The following FSHR variants were observed in gnomAD, a reference collection of about 807,000 sequenced individuals.
FSHR encodes the protein follicle-stimulating hormone receptor.
A neutral mutation model predicts 52.1 loss-of-function variants in FSHR; 46 were observed. The ratio of observed to expected loss-of-function variants is 0.88; its 90% CI spans 0.70 to 1.13. The LOEUF is 1.13. Ranked by LOEUF, FSHR falls within the 50% of genes most tolerant of loss-of-function variation. FSHR has a pLI of 0.00. For synonymous variants in FSHR, 399 were observed against 309.6 expected, an observed-to-expected ratio of 1.29 and a Z score of -3.03; for missense variants, 964 against 834.6, an observed-to-expected ratio of 1.16 and a Z score of -1.91.
intron 4 of FSHR, among the ~76,000 whole-genome samples, chr2:49,012,795 C>T (rs1452890030): frequency 6.6e-6 from 1 of 152,096 alleles, no homozygotes; most frequent in Non-Finnish European, 1.5e-5. Flanking sequence ...GAAATCGTTG[C>T]CATCTACCTC....
chr2:48,965,173 G>A (rs1475552569), intron 9 of FSHR, among the ~76,000 whole-genome samples: 1 of 152,100 alleles, frequency 6.6e-6, no homozygotes, highest in Non-Finnish European at 1.5e-5. Flanking sequence ...GGGGAGTGGA[G>A]GAGGTAAAGA....
At chr2:49,102,146 C>A (rs973509514) in intron 1 of FSHR, among the ~76,000 whole-genome samples, 11 of 152,184 alleles carry the variant, frequency 7.2e-5, no homozygotes, top group African/African-American at 2.2e-4. Context: ...CACATATAGT[C>A]CAGGATTATA....
Position 48,990,593 on chromosome 2 carries a change from T to A in FSHR, c.419A>T (p.Lys140Met). Residue 140 changes from lysine to methionine, a missense_variant, in exon 5 of 10, where the codon AAG becomes ATG. Lys to Met is a moderately conservative substitution (Grantham distance 95). Coordinates refer to ENST00000406846, the MANE Select transcript of FSHR (RefSeq NM_000145.4). ...TAAAACTTTTTGGAGAGAATGAATC[T>A]TGTGAACATCTGGAAGGTGCTTAAT... ...TGIKHLPDVH[K>M]IHSLQKVLLD... The A allele has an allele frequency of 6.2e-7, 1 of 1,611,896 alleles. No individual in the cohort carries two copies.
chr2:48,987,461 C>G (rs7604328), intron 6 of FSHR, among the ~76,000 whole-genome samples: 2,733 of 152,122 alleles, frequency 0.018, 77 homozygotes, highest in African/African-American at 0.062. Context: ...CTGCCTGCCT[C>G]TGTCTCCCAA....
At chr2:48,987,379 T>TA (rs1450786404) in intron 6 of FSHR, among the ~76,000 whole-genome samples, 2 of 151,692 alleles carry the variant, frequency 1.3e-5, no homozygotes, top group Non-Finnish European at 2.9e-5. Flanking sequence ...AATTTTTTTT[T>TA]TTTATATATT....
At position 48,976,776 on chromosome 2, in the gene FSHR, G is replaced by T. The variant is rs1573032542; in HGVS notation, c.668+6136C>A. ...TTTTTTAGTTTATTTGCATAGAGGTGTTTATAGTATTCTCTGATGGTAGTT... is the reference window on the plus strand; with the variant it reads ...TTTTTTAGTTTATTTGCATAGAGGTTTTTATAGTATTCTCTGATGGTAGTT... On this transcript the variant is annotated intron_variant, in intron 8 of 9. Coordinates refer to ENST00000406846, the MANE Select transcript of FSHR (RefSeq NM_000145.4). Among the ~76,000 whole-genome samples, 7 of 152,262 alleles carry T rather than the reference G, an allele frequency of 4.6e-5. No homozygotes were observed. The South Asian group carries it at 1.4e-3, about 32-fold the overall frequency.
chr2:49,071,226 A>T (rs1025065963), intron 1 of FSHR, among the ~76,000 whole-genome samples: 1 of 152,198 alleles, frequency 6.6e-6, no homozygotes, highest in Admixed American at 6.5e-5. Flanking sequence ...AGAGATCTCA[A>T]CAAATCCCAG....
At chr2:49,022,178 CA>C (rs1667748669) in intron 2 of FSHR, among the ~76,000 whole-genome samples, 1 of 151,964 alleles carries the variant, frequency 6.6e-6, no homozygotes, top group Non-Finnish European at 1.5e-5. Flanking sequence ...TAGCAGTTAG[CA>C]GTACATTTGG....
rs72821795 is a variant in FSHR, at chr2:49,143,279, T to C, written c.152+10987A>G. 6.0e-3 allele frequency among the ~76,000 whole-genome samples: 914 copies of C among 152,256 alleles called. 7 individuals are homozygous for C. The highest frequency in any genetic ancestry group is 9.5e-3 in the Non-Finnish European group (644 of 68,026). On this transcript the variant is annotated intron_variant, in intron 1 of 9. Coordinates refer to ENST00000406846, the MANE Select transcript of FSHR (RefSeq NM_000145.4). ...GACACTGAAAGTCAAAAAAGGAACA[T>C]GTGTCAAGTACTCGAATGGTCACTG...
intron 1 of FSHR, among the ~76,000 whole-genome samples, chr2:49,126,802 C>G (rs1672016178): frequency 1.3e-5 from 2 of 152,198 alleles, no homozygotes; most frequent in Admixed American, 6.5e-5. Context: ...ATCTTGGGCT[C>G]ACTCCTTGTC....
intron 1 of FSHR, among the ~76,000 whole-genome samples, chr2:49,152,727 G>A (rs10185522): frequency 0.043 from 6,539 of 152,244 alleles, 235 homozygotes; most frequent in Non-Finnish European, 0.063. Context: ...AGTAGGTCCA[G>A]GAGAGGTGGA....
At chr2:48,990,370 C>G (rs978616262) in intron 5 of FSHR, among the ~76,000 whole-genome samples, 196 bp downstream of exon 5, 1 of 152,154 alleles carries the variant, frequency 6.6e-6, no homozygotes, top group Non-Finnish European at 1.5e-5. Context: ...AAGGGTCTTT[C>G]AGTTTCCTCC....
At chr2:48,971,311 T>G (rs968339841) in intron 8 of FSHR, among the ~76,000 whole-genome samples, 1 of 152,184 alleles carries the variant, frequency 6.6e-6, no homozygotes, top group Non-Finnish European at 1.5e-5. Context: ...TAGGTAAAAG[T>G]GCAAATCTCA....
chr2:49,075,731 G>T (rs532182169), intron 1 of FSHR, among the ~76,000 whole-genome samples: 251 of 151,848 alleles, frequency 1.7e-3, no homozygotes, highest in African/African-American at 5.8e-3. Flanking sequence ...GGGCTTAATT[G>T]ATCCTGCCCC....
At chr2:49,064,838 G>A (rs1006539564) in intron 2 of FSHR, among the ~76,000 whole-genome samples, 1 of 152,152 alleles carries the variant, frequency 6.6e-6, no homozygotes, top group African/African-American at 2.4e-5. Flanking sequence ...CAGGGTTATG[G>A]TTTGGAAGAA....
chr2:49,039,050 G>A lies in FSHR; in HGVS notation c.225-18890C>T, dbSNP rs150708598. Reference sequence around the variant, plus strand: ...CAAAAAATATCTCTATTTCCATGAGGCCCTGTACATGTCCTAACTAAATCT... The same window carrying A: ...CAAAAAATATCTCTATTTCCATGAGACCCTGTACATGTCCTAACTAAATCT... On this transcript the variant is annotated intron_variant, in intron 2 of 9. Transcript: ENST00000406846. Among the ~76,000 whole-genome samples the A allele has an allele frequency of 6.4e-4, 98 of 152,258 alleles. 1 individual carries two copies. The highest frequency in any genetic ancestry group is 2.1e-3 in the African/African-American group (86 of 41,562).
intron 2 of FSHR, 104 bp from the exon 3 acceptor site, chr2:49,020,264 A>C: frequency 2.1e-6 from 2 of 962,640 alleles, no homozygotes; most frequent in Non-Finnish European, 1.7e-6. Flanking sequence ...CACAAGACAC[A>C]CAAAACTCCT....
At chr2:49,035,750 G>A (rs1668249511) in intron 2 of FSHR, among the ~76,000 whole-genome samples, 1 of 152,176 alleles carries the variant, frequency 6.6e-6, no homozygotes, top group South Asian at 2.1e-4. Context: ...GGGTGCTGGT[G>A]GTTTGTATGT....
At chr2:49,147,936 A>G (rs946681823) in intron 1 of FSHR, among the ~76,000 whole-genome samples, 1 of 152,002 alleles carries the variant, frequency 6.6e-6, no homozygotes, top group Non-Finnish European at 1.5e-5. Context: ...GGAGACTCCA[A>G]ACATGGGCAC....
Sources: gnomAD v4.1 joint callset for allele counts (sites outside exome capture counted in the v4.1 genomes callset) on GRCh38, gnomAD v4.1.1 for gene constraint, MANE v1.5 for transcripts, NCBI Gene and HGNC (gene_info 2026-07-23, HGNC 2026-07-21) for gene names.